Variants in KCNT1 observed in about 807,000 individuals in gnomAD.
KCNT1 encodes potassium sodium-activated channel subfamily T member 1.
Under a neutral mutation model 147.8 loss-of-function variants are expected in KCNT1, and 78 were observed. The ratio of observed to expected loss-of-function variants is 0.53; its 90% CI spans 0.44 to 0.64. The LOEUF (loss-of-function observed/expected upper bound fraction) is 0.64. Ranked by LOEUF, KCNT1 falls within the 30% of genes least tolerant of loss-of-function variation. The pLI, the probability that KCNT1 is intolerant of heterozygous loss-of-function variation, is 0.00. For synonymous variants in KCNT1, 867 were observed against 748.8 expected (o/e 1.16, Z -2.58); for missense variants, 1,419 against 1,750.3 (o/e 0.81, Z 3.38).
rs111494768 is a variant in KCNT1, at chr9:135,775,563, A to G, written c.2349+148A>G. On this transcript the variant is annotated intron_variant, in intron 20 of 30. Coordinates refer to ENST00000371757, the MANE Select transcript of KCNT1 (RefSeq NM_020822.3). ...TGCAAGAATTCTGCAAGGGAGAGCC[A>G]CAGATCCTTCACCCAGATTCAGCAG... The G allele has an allele frequency of 0.027, 16,247 of 594,156 alleles. 369 individuals carry two copies. The highest frequency in any genetic ancestry group is 0.075 in the Middle Eastern group (279 of 3,732). The allele number at this position is 594,156 out of a possible 1,614,324, so 36.8% of individuals were successfully genotyped here. A position where few individuals can be genotyped will look rare whatever the true frequency, so the allele number is the denominator to read the frequency against.
intron 2 of KCNT1, among the ~76,000 whole-genome samples, chr9:135,723,634 C>T (rs1333960788): frequency 6.6e-6 from 1 of 152,202 alleles, no homozygotes; most frequent in Non-Finnish European, 1.5e-5. Flanking sequence ...GCTTGGGGGG[C>T]CTCAGAGCCC....
chr9:135,760,561 G>C (rs1831847877), intron 11 of KCNT1, among the ~76,000 whole-genome samples: 1 of 152,170 alleles, frequency 6.6e-6, no homozygotes, highest in Non-Finnish European at 1.5e-5. Context: ...AGACCCCCAG[G>C]TGGCTGCAGG....
rs1462234737 is a variant in KCNT1 at position 135,778,526 on chromosome 9, G to A, written c.2594+31G>A. 4.4e-6 allele frequency: 7 copies of A among 1,600,582 alleles called. No homozygotes were observed. In the African/African-American group the frequency reaches 5.4e-5, roughly 12 times the overall value. ...GCGTGGCCGGCCGAGGCTCGTGGGG[G>A]CTCCACACCCACCCCTCCCCTCCTC... is the stretch of plus-strand genomic sequence containing the variant. On this transcript the variant is annotated intron_variant, in intron 22 of 30. Coordinates refer to ENST00000371757, the MANE Select transcript of KCNT1 (RefSeq NM_020822.3).
At position 135,778,878 on chromosome 9, in the gene KCNT1, C is replaced by T. The variant is rs925981204; in HGVS notation, c.2729+56C>T. 8.2e-6 allele frequency: 13 copies of T among 1,589,752 alleles called. No individual in the cohort carries two copies. In the African/African-American group the frequency reaches 1.7e-4, roughly 21 times the overall value. ...ACCACCCCACAGCCACGACCACGGGCCCTCGCCCTGAGACCCCCACAGCCA... is the reference window on the plus strand; with the variant it reads ...ACCACCCCACAGCCACGACCACGGGTCCTCGCCCTGAGACCCCCACAGCCA... On this transcript the variant is annotated intron_variant, in intron 23 of 30. Coordinates refer to ENST00000371757, the MANE Select transcript of KCNT1 (RefSeq NM_020822.3).
chr9:135,709,776 G>C (rs1433666575), intron 1 of KCNT1, among the ~76,000 whole-genome samples: 1 of 152,188 alleles, frequency 6.6e-6, no homozygotes, highest in Non-Finnish European at 1.5e-5. Flanking sequence ...CGCCTCCTGG[G>C]TTCCAACAAT....
chr9:135,783,028 G>T (rs114171891), intron 24 of KCNT1, among the ~76,000 whole-genome samples: 1 of 152,204 alleles, frequency 6.6e-6, no homozygotes, highest in Non-Finnish European at 1.5e-5. Context: ...GTTCCGGGGG[G>T]AAGTGTGGCC....
At chr9:135,755,036 C>A in intron 5 of KCNT1, 85 bp from the exon 6 acceptor site, 1 of 1,313,716 alleles carries the variant, frequency 7.6e-7, no homozygotes, top group South Asian at 1.5e-5. Flanking sequence ...CAGTGGAGGC[C>A]AATGGTTATG....
intron 1 of KCNT1, among the ~76,000 whole-genome samples, chr9:135,711,551 GCT>G (rs757616415): frequency 6.6e-5 from 10 of 152,228 alleles, no homozygotes; most frequent in Non-Finnish European, 8.8e-5. Context: ...CGTGCAGCTG[GCT>G]CTCAGTCCAT....
chr9:135,774,469 T>TCC (rs1833005374), intron 19 of KCNT1, among the ~76,000 whole-genome samples: 1 of 150,348 alleles, frequency 6.7e-6, no homozygotes, highest in African/African-American at 2.5e-5. Context: ...TGTGTGTCCG[T>TCC]GTGTGGTACG....
rs1304319882 is a variant in KCNT1, at chr9:135,736,667, A to AGGGCAAGGCGGGCCCGGC, written c.255-13414_255-13413insCGGGCAAGGCGGGCCCGG. 1.7e-5 allele frequency: 5 copies of AGGGCAAGGCGGGCCCGGC among 288,980 alleles called. No homozygotes were observed. In the East Asian group the frequency reaches 2.8e-4, roughly 16 times the overall value. The allele number at this position is 288,980 out of a possible 1,614,324, so 17.9% of individuals were successfully genotyped here. On this transcript the variant is annotated intron_variant, in intron 2 of 30. Coordinates refer to ENST00000371757, the MANE Select transcript of KCNT1 (RefSeq NM_020822.3). ...GCCAAGCTGCCGCGCTCGCCGTCCG[A>AGGGCAAGGCGGGCCCGGC]GGGCAAGGCGGGCCCGGGGGGCGCC...
rs759278672 is a variant in KCNT1 at position 135,792,861 on chromosome 9, C to T, written c.*700C>T. On this transcript the variant is annotated 3_prime_UTR_variant, in exon 31 of 31. Transcript: ENST00000371757. Reference sequence around the variant, plus strand: ...ACTTCACACTGAACTGTCCCAGCCACTGCATCTAGGGGGCATTGGGCGGAA... The same window carrying T: ...ACTTCACACTGAACTGTCCCAGCCATTGCATCTAGGGGGCATTGGGCGGAA... 1 of 152,250 alleles carries T rather than the reference C, an allele frequency of 6.6e-6. No individual in the cohort carries two copies. The highest frequency in any genetic ancestry group is 1.5e-5 in the Non-Finnish European group (1 of 68,052). The allele number at this position is 152,250 out of a possible 1,614,324, so 9.4% of individuals were successfully genotyped here. A position where few individuals can be genotyped will look rare whatever the true frequency, so the allele number is the denominator to read the frequency against.
At chr9:135,774,783 T>G (rs1833039623) in intron 19 of KCNT1, among the ~76,000 whole-genome samples, 1 of 152,124 alleles carries the variant, frequency 6.6e-6, no homozygotes, top group Admixed American at 6.5e-5. Context: ...GGGCCATGTG[T>G]TATGCCGAGG....
At chr9:135,707,722 C>G (rs1036809010) in intron 1 of KCNT1, among the ~76,000 whole-genome samples, 1 of 152,220 alleles carries the variant, frequency 6.6e-6, no homozygotes. Flanking sequence ...ACCTTGGGCA[C>G]GGGTCCAGGG....
At chr9:135,768,748 GACCTGCCCCAGGCTGCCGGTGCCGCCC>G in intron 14 of KCNT1, 54 bp from the exon 15 acceptor site, 2 of 1,539,292 alleles carry the variant, frequency 1.3e-6, no homozygotes. Flanking sequence ...TGAGGGAAGA[GACCTGCCCCAGGCTGCCGGTGCCGCCC>G]AGCAGCCCAC....
chr9:135,794,725 A>ACTT lies in KCNT1; in HGVS notation c.*2567_*2569dup, dbSNP rs1564405193. On this transcript the variant is annotated 3_prime_UTR_variant, in exon 31 of 31. Coordinates refer to ENST00000371757, the MANE Select transcript of KCNT1 (RefSeq NM_020822.3). ...GAAAAGCTGCCTGCAGCATCTGGAAACTTCTGTGCTCTCCTTGGCCTCTGT... is the reference window on the plus strand; with the variant it reads ...GAAAAGCTGCCTGCAGCATCTGGAAACTTCTTCTGTGCTCTCCTTGGCCTCTGT... 1 of 151,930 alleles carries ACTT rather than the reference A, an allele frequency of 6.6e-6. No homozygotes were observed. The highest frequency in any genetic ancestry group is 1.5e-5 in the Non-Finnish European group (1 of 67,988). The allele number at this position is 151,930 out of a possible 1,614,324, so 9.4% of individuals were successfully genotyped here.
chr9:135,736,514 C>A (rs1027549268), intron 2 of KCNT1: 2 of 151,742 alleles, frequency 1.3e-5, no homozygotes, highest in African/African-American at 4.8e-5. Context: ...AGCCCCGGCA[C>A]CCGGCCGTTC....
At chr9:135,704,353 C>A (rs1040215818) in intron 1 of KCNT1, among the ~76,000 whole-genome samples, 11 of 152,242 alleles carry the variant, frequency 7.2e-5, no homozygotes, top group Admixed American at 6.5e-5. Context: ...GCTCAAACCC[C>A]CAGCTCCACG....
intron 2 of KCNT1, among the ~76,000 whole-genome samples, chr9:135,741,067 G>A (rs1043900013): frequency 6.6e-6 from 1 of 152,184 alleles, no homozygotes; most frequent in African/African-American, 2.4e-5. Context: ...GGAGTCCCTG[G>A]GTGGATCCTC....
intron 20 of KCNT1, 26 bp downstream of exon 20, chr9:135,775,441 C>A: frequency 1.3e-6 from 2 of 1,568,752 alleles, no homozygotes; most frequent in Non-Finnish European, 1.7e-6. Context: ...CTGCCGCGCT[C>A]TGCACCCCCA....
Sources: allele counts gnomAD v4.1 joint callset (sites outside exome capture counted in the v4.1 genomes callset), GRCh38; gene constraint gnomAD v4.1.1; transcripts MANE v1.5; gene names NCBI Gene and HGNC (gene_info 2026-07-23, HGNC 2026-07-21).